ARHGAP42: variants seen among roughly 807,000 people sequenced by gnomAD.
ARHGAP42 encodes the protein Rho GTPase activating protein 42, also known as rho GTPase-activating protein 42.
Under a neutral mutation model 125.0 loss-of-function variants are expected in ARHGAP42, and 63 were observed. That is an observed-to-expected ratio of 0.50 (90% confidence interval 0.41 to 0.62). ARHGAP42 has a LOEUF of 0.62. Ranked by LOEUF, ARHGAP42 falls within the 20% of genes least tolerant of loss-of-function variation. The pLI, the probability that ARHGAP42 is intolerant of heterozygous loss-of-function variation, is 0.00. For missense variants in ARHGAP42, 766 were observed against 1,024.2 expected, an observed-to-expected ratio of 0.75 and a Z score of 3.44; for synonymous variants, 339 against 351.0, an observed-to-expected ratio of 0.97 and a Z score of 0.38.
At chr11:100,878,648 A>T (rs1413133940) in intron 4 of ARHGAP42, among the ~76,000 whole-genome samples, 2 of 152,184 alleles carry the variant, frequency 1.3e-5, no homozygotes, top group Non-Finnish European at 2.9e-5. Flanking sequence ...CTCTCATCCC[A>T]GGGGACATGC....
intron 4 of ARHGAP42, among the ~76,000 whole-genome samples, chr11:100,860,945 G>GAGAT (rs1865431138): frequency 6.6e-6 from 1 of 152,190 alleles, no homozygotes; most frequent in Admixed American, 6.5e-5. Flanking sequence ...TGTTTGATAA[G>GAGAT]ATGAACGGAT....
chr11:100,909,719 T>C (rs867818325), intron 4 of ARHGAP42, among the ~76,000 whole-genome samples: 93 of 152,324 alleles, frequency 6.1e-4, no homozygotes, highest in African/African-American at 1.5e-3. Context: ...AGAGAAAAGA[T>C]TGGGGTCCAG....
At chr11:100,958,557 A>T (rs12420084) in intron 12 of ARHGAP42, among the ~76,000 whole-genome samples, 7,482 of 152,050 alleles carry the variant, frequency 0.049, 324 homozygotes, top group East Asian at 0.25. Flanking sequence ...ATATATATAT[A>T]TTTTTCAAAA....
At chr11:100,972,858 A>G (rs1858287048) in intron 17 of ARHGAP42, among the ~76,000 whole-genome samples, 2 of 152,214 alleles carry the variant, frequency 1.3e-5, no homozygotes, top group Admixed American at 6.5e-5. Context: ...TGTTTGTTCC[A>G]AAAGAAATAT....
At chr11:100,871,781 T>A (rs1215335037) in intron 4 of ARHGAP42, among the ~76,000 whole-genome samples, 1 of 152,192 alleles carries the variant, frequency 6.6e-6, no homozygotes, top group Non-Finnish European at 1.5e-5. Flanking sequence ...TTCACTCTTG[T>A]TGCCCAGGCT....
At position 100,752,506 on chromosome 11, in the gene ARHGAP42, G is replaced by A. The variant is rs1050156285; in HGVS notation, c.155-17837G>A. On this transcript the variant is annotated intron_variant, in intron 1 of 23. Transcript: ENST00000298815. ...AATGTGGGGCACTCCCTCTTCCCTA[G>A]GGGTAGGAGTCCCTGAGAGCCAGAC... Among the ~76,000 whole-genome samples, 51 of 152,202 alleles carry A rather than the reference G, an allele frequency of 3.4e-4. 3 individuals carry two copies. The highest frequency in any genetic ancestry group is 1.5e-5 in the Non-Finnish European group (1 of 68,032).
chr11:100,721,838 A>G (rs956314474), intron 1 of ARHGAP42, among the ~76,000 whole-genome samples: 3 of 152,174 alleles, frequency 2.0e-5, no homozygotes, highest in Non-Finnish European at 1.5e-5. Context: ...TTGCTTATCC[A>G]TTCACTTATT....
rs184109550 is a variant in ARHGAP42, at chr11:100,814,977, C to T, written c.312+19811C>T. On this transcript the variant is annotated intron_variant, in intron 3 of 23. Transcript: ENST00000298815. ...TGTTCATTCTTCAGGCCTCAGTTTACATAAGATGTGAGTTGGCCTCATGGT... is the reference window on the plus strand; with the variant it reads ...TGTTCATTCTTCAGGCCTCAGTTTATATAAGATGTGAGTTGGCCTCATGGT... Among the ~76,000 whole-genome samples, 142 of 152,364 alleles carry T rather than the reference C, an allele frequency of 9.3e-4. 1 individual carries two copies. Among genetic ancestry groups the T allele is most frequent in the African/African-American group, 3.3e-3 (136 of 41,604 alleles).
At chr11:100,876,573 C>T (rs541192295) in intron 4 of ARHGAP42, among the ~76,000 whole-genome samples, 6 of 152,298 alleles carry the variant, frequency 3.9e-5, no homozygotes, top group African/African-American at 1.4e-4. Context: ...TATACAAAAT[C>T]AGCCAATTAA....
At position 100,687,708 on chromosome 11, in the gene ARHGAP42, T is replaced by C. The variant is rs889990355; in HGVS notation, c.30T>C (p.Asp10=). 2 of 1,544,682 alleles carry C rather than the reference T, an allele frequency of 1.3e-6. No individual in the cohort carries two copies. Among genetic ancestry groups the C allele is most frequent in the Non-Finnish European group, 1.7e-6 (2 of 1,143,930 alleles). Residue 10 remains aspartate, a synonymous_variant, in exon 1 of 24, where the codon GAT becomes GAC. Coordinates refer to ENST00000298815, the MANE Select transcript of ARHGAP42 (RefSeq NM_152432.4). MGLPTLEFS[D]SYLDSPDFRE... is the part of the protein sequence containing the mutation. ...GGCTGCCCACTCTGGAGTTCAGCGA[T>C]TCCTACTTGGACAGCCCAGATTTCA...
At chr11:100,689,002 A>G (rs932780130) in intron 1 of ARHGAP42, among the ~76,000 whole-genome samples, 2 of 152,238 alleles carry the variant, frequency 1.3e-5, no homozygotes, top group Non-Finnish European at 2.9e-5. Flanking sequence ...TATCGGATCT[A>G]TATTTTGAAA....
At chr11:100,960,524 C>T (rs1482492665) in intron 13 of ARHGAP42, among the ~76,000 whole-genome samples, 2 of 152,156 alleles carry the variant, frequency 1.3e-5, no homozygotes, top group Non-Finnish European at 2.9e-5. Context: ...CTTGAATTCT[C>T]TGAATCTGTT....
chr11:100,731,400 C>T (rs575491916), intron 1 of ARHGAP42, among the ~76,000 whole-genome samples: 2 of 152,138 alleles, frequency 1.3e-5, no homozygotes, highest in Non-Finnish European at 2.9e-5. Flanking sequence ...CCATCCGCCT[C>T]AGACTCCTAG....
Position 100,993,799 on chromosome 11 carries a change from T to G in ARHGAP42, c.*4998T>G, listed in dbSNP as rs558291684. On this transcript the variant is annotated 3_prime_UTR_variant, in exon 24 of 24. Coordinates refer to ENST00000298815, the MANE Select transcript of ARHGAP42 (RefSeq NM_152432.4). ...GTAGTGTTCTGTATTTATCTGCACT[T>G]TGTGTATATATACACACATACATAT... is the stretch of plus-strand genomic sequence containing the variant. 3.6e-5 allele frequency: 6 copies of G among 167,200 alleles called. No individual in the cohort carries two copies. The East Asian group carries it at 1.2e-3, about 32-fold the overall frequency. The allele number at this position is 167,200 out of a possible 1,614,324, so 10.4% of individuals were successfully genotyped here.
intron 17 of ARHGAP42, among the ~76,000 whole-genome samples, chr11:100,967,615 A>C (rs1266862869): frequency 6.6e-6 from 1 of 152,192 alleles, no homozygotes. Context: ...CTCTGTTTGG[A>C]AAGCCCACTT....
intron 4 of ARHGAP42, among the ~76,000 whole-genome samples, chr11:100,872,623 C>A (rs559990406): frequency 1.3e-5 from 2 of 152,230 alleles, no homozygotes; most frequent in South Asian, 4.1e-4. Flanking sequence ...GAACTCCTGA[C>A]GTCAGGTGAT....
chr11:100,965,768 T>C lies in ARHGAP42; in HGVS notation c.1542T>C (p.His514=), dbSNP rs1565298270. The C allele has an allele frequency of 1.9e-6, 3 of 1,550,020 alleles. No homozygotes were observed. In the African/African-American group the frequency reaches 4.1e-5, roughly 21 times the overall value. ...AGATGCTGGACATCTTAATAAAGCATCTGGTCAAGTAATTCTCTAACTTAC... is the reference window on the plus strand; with the variant it reads ...AGATGCTGGACATCTTAATAAAGCACCTGGTCAAGTAATTCTCTAACTTAC... ...NREMLDILIK[H]LVKVSLHSQQ... The change falls in exon 17 of 24, where the codon CAT becomes CAC. Residue 514 remains histidine (H), a synonymous_variant. Coordinates refer to ENST00000298815, the MANE Select transcript of ARHGAP42 (RefSeq NM_152432.4).
chr11:100,767,048 C>G (rs1333873040), intron 1 of ARHGAP42, among the ~76,000 whole-genome samples: 4 of 152,152 alleles, frequency 2.6e-5, no homozygotes, highest in African/African-American at 9.6e-5. Flanking sequence ...TGCAGTGTAG[C>G]AAGAAAAGTT....
At chr11:100,926,034 G>A (rs1867411529) in intron 6 of ARHGAP42, among the ~76,000 whole-genome samples, 2 of 152,174 alleles carry the variant, frequency 1.3e-5, no homozygotes, top group South Asian at 4.1e-4. Flanking sequence ...AAGAGTTGTG[G>A]AGGAGCCCAG....
Sources: allele counts gnomAD v4.1 joint callset (sites outside exome capture counted in the v4.1 genomes callset), GRCh38; gene constraint gnomAD v4.1.1; transcripts MANE v1.5; gene names NCBI Gene and HGNC (gene_info 2026-07-23, HGNC 2026-07-21).